Variants in MYO16 observed in about 807,000 individuals in gnomAD.
The protein encoded by MYO16 is myosin XVI.
In MYO16, 94 loss-of-function variants were observed where a neutral mutation model predicts 205.3. The ratio of observed to expected loss-of-function variants is 0.46; its 90% confidence interval spans 0.39 to 0.54. The LOEUF (loss-of-function observed/expected upper bound fraction) is 0.54. Among genes scored for constraint, MYO16 ranks in the 20% least tolerant of loss-of-function variants. The probability of loss-of-function intolerance (pLI) is 0.00; values close to 1 mark genes in which losing one functional copy is unlikely to be tolerated. For synonymous variants in MYO16, 988 were observed against 954.0 expected, an observed-to-expected ratio of 1.04 and a Z score of -0.66; for missense variants, 2,315 against 2,387.5, an observed-to-expected ratio of 0.97 and a Z score of 0.63.
chr13:108,536,170 A>G, the MYO16 span, among the ~76,000 whole-genome samples: 55 of 152,254 alleles, frequency 3.6e-4, no homozygotes, highest in African/African-American at 1.3e-3. Context: ...TTAATTCCCT[A>G]GTGATCTGCT....
chr13:108,601,416 A>C (rs1355354312), intron 1 of MYO16, among the ~76,000 whole-genome samples: 4 of 152,170 alleles, frequency 2.6e-5, no homozygotes, highest in Admixed American at 2.6e-4. Context: ...CATATATATA[A>C]ATTATATGCA....
the MYO16 span, among the ~76,000 whole-genome samples, chr13:108,590,022 A>G: frequency 6.6e-6 from 1 of 152,210 alleles, no homozygotes; most frequent in Non-Finnish European, 1.5e-5. Context: ...AGTGATATAT[A>G]TAGGAATAAA....
intron 9 of MYO16, among the ~76,000 whole-genome samples, chr13:108,834,432 A>G (rs1419806310): frequency 6.6e-6 from 1 of 152,154 alleles, no homozygotes; most frequent in African/African-American, 2.4e-5. Flanking sequence ...TACATCTCAA[A>G]GGGGCAGAGA....
intron 31 of MYO16, among the ~76,000 whole-genome samples, chr13:109,136,731 T>G (rs534908855): frequency 1.4e-4 from 22 of 152,324 alleles, no homozygotes; most frequent in Admixed American, 3.9e-4. Flanking sequence ...TCTTTAGGCC[T>G]CATCAAGAGC....
the MYO16 span, among the ~76,000 whole-genome samples, chr13:108,575,598 T>C: frequency 6.6e-6 from 1 of 152,150 alleles, no homozygotes; most frequent in Non-Finnish European, 1.5e-5. Context: ...TTTCCCCTAA[T>C]AAACTCTCTA....
chr13:108,829,694 G>T (rs566469971), intron 9 of MYO16, among the ~76,000 whole-genome samples: 1 of 152,300 alleles, frequency 6.6e-6, no homozygotes, highest in African/African-American at 2.4e-5. Flanking sequence ...ACTGCTTGGA[G>T]TTGATCCCAG....
intron 11 of MYO16, among the ~76,000 whole-genome samples, chr13:108,860,184 G>A (rs113177867): frequency 0.014 from 2,043 of 146,202 alleles, 51 homozygotes; most frequent in African/African-American, 0.046. Context: ...GGCCAAGTAG[G>A]CCCTGGTGAC....
chr13:108,906,084 A>G (rs1880960389), intron 15 of MYO16, among the ~76,000 whole-genome samples: 1 of 152,158 alleles, frequency 6.6e-6, no homozygotes, highest in South Asian at 2.1e-4. Context: ...CATCACCCCA[A>G]ACTCTTAGCG....
At chr13:108,876,274 T>C (rs1879320485) in intron 12 of MYO16, among the ~76,000 whole-genome samples, 1 of 152,210 alleles carries the variant, frequency 6.6e-6, no homozygotes, top group African/African-American at 2.4e-5. Flanking sequence ...GTTTCATATC[T>C]CTTTTAAAAA....
intron 33 of MYO16, among the ~76,000 whole-genome samples, chr13:109,166,019 G>T (rs1368545235): frequency 6.6e-6 from 1 of 152,110 alleles, no homozygotes; most frequent in Non-Finnish European, 1.5e-5. Context: ...AGCATCCTAG[G>T]CTTCAAAACA....
chr13:109,156,509 A>G (rs1265745361), intron 32 of MYO16, among the ~76,000 whole-genome samples: 1 of 152,206 alleles, frequency 6.6e-6, no homozygotes, highest in African/African-American at 2.4e-5. Flanking sequence ...AGTCAGCCAA[A>G]CAGCTATAGT....
At chr13:109,159,407 A>G (rs1253980743) in intron 32 of MYO16, among the ~76,000 whole-genome samples, 7 of 151,908 alleles carry the variant, frequency 4.6e-5, no homozygotes, top group Admixed American at 4.6e-4. Flanking sequence ...TGTGCAAGCT[A>G]TTTTACAGGT....
chr13:108,824,817 T>C (rs891340095), intron 9 of MYO16, among the ~76,000 whole-genome samples: 15 of 151,928 alleles, frequency 9.9e-5, no homozygotes, highest in Admixed American at 5.3e-4. Flanking sequence ...CTAGATGAAA[T>C]TGATGAATTC....
At chr13:108,534,295 T>C in the MYO16 span, among the ~76,000 whole-genome samples, 1 of 152,196 alleles carries the variant, frequency 6.6e-6, no homozygotes, top group Non-Finnish European at 1.5e-5. Flanking sequence ...TTTCTACATA[T>C]TGTTATTGAA....
chr13:109,185,243 G>A (rs979483876), intron 34 of MYO16, among the ~76,000 whole-genome samples: 2 of 152,018 alleles, frequency 1.3e-5, no homozygotes, highest in African/African-American at 2.4e-5. Flanking sequence ...TAATTTAATT[G>A]GTTTTTAAAG....
chr13:108,559,759 A>C, the MYO16 span, among the ~76,000 whole-genome samples: 6 of 151,934 alleles, frequency 3.9e-5, no homozygotes, highest in Admixed American at 1.3e-4. Context: ...TGTGAGCCAC[A>C]GCGCCCGGCC....
In MYO16 at chr13:108,857,428, G is replaced by T. The variant is rs79487349; in HGVS notation, c.1359+1875G>T. ...GTACCTTCTCCAATTTTTCAGGCTG[G>T]CCAGAGGGTGTTTATGGGAGGGACA... On this transcript the variant is annotated intron_variant, in intron 11 of 34. Transcript: ENST00000457511. Among the ~76,000 whole-genome samples the T allele has an allele frequency of 0.02, 3,091 of 152,254 alleles. 198 individuals are homozygous for T. The East Asian group carries it at 0.21, about 10-fold the overall frequency.
intron 33 of MYO16, among the ~76,000 whole-genome samples, chr13:109,170,207 T>G (rs912292811): frequency 6.6e-6 from 1 of 152,084 alleles, no homozygotes; most frequent in South Asian, 2.1e-4. Context: ...AACGTTTATT[T>G]AAATTAAAAA....
At chr13:108,676,254 A>G (rs1882196819) in intron 2 of MYO16, among the ~76,000 whole-genome samples, 1 of 152,172 alleles carries the variant, frequency 6.6e-6, no homozygotes, top group Non-Finnish European at 1.5e-5. Context: ...AGATAATGAG[A>G]AACAGGAATT....
Sources: allele counts gnomAD v4.1 joint callset (sites outside exome capture counted in the v4.1 genomes callset), GRCh38; gene constraint gnomAD v4.1.1; transcripts MANE v1.5; gene names NCBI Gene and HGNC (gene_info 2026-07-23, HGNC 2026-07-21).